Variants in TEX36 observed in about 807,000 individuals in gnomAD.
The protein encoded by TEX36 is testis-expressed protein 36.
Under a neutral mutation model 13.6 loss-of-function variants are expected in TEX36, and 12 were observed. The observed-to-expected ratio is 0.88, with a 90% CI of 0.56 to 1.43. The LOEUF is 1.43. TEX36 is among the 40% of genes most tolerant of loss of function. The pLI is 0.00. For missense variants in TEX36, 224 were observed against 228.3 expected, an observed-to-expected ratio of 0.98 and a Z score of 0.12; for synonymous variants, 93 against 83.0, an observed-to-expected ratio of 1.12 and a Z score of -0.65.
chr10:125,643,890 T>A (rs1846726953), intron 3 of TEX36, among the ~76,000 whole-genome samples: 1 of 152,102 alleles, frequency 6.6e-6, no homozygotes, highest in South Asian at 2.1e-4. Flanking sequence ...CCAGCCTTGG[T>A]GACAGAGCGA....
At chr10:125,640,186 T>C in intron 3 of TEX36, 1 of 985,442 alleles carries the variant, frequency 1.0e-6, no homozygotes, top group Non-Finnish European at 1.2e-6. Context: ...AAATCATTGT[T>C]CTTGGACTGA....
intron 3 of TEX36, among the ~76,000 whole-genome samples, chr10:125,587,470 A>G (rs1285625738): frequency 2.0e-5 from 3 of 152,200 alleles, no homozygotes; most frequent in Non-Finnish European, 4.4e-5. Context: ...GAAACAATCA[A>G]TGCTATCAGT....
At chr10:125,669,994 C>T (rs1232001830) in intron 1 of TEX36, among the ~76,000 whole-genome samples, 2 of 152,180 alleles carry the variant, frequency 1.3e-5, no homozygotes, top group Non-Finnish European at 2.9e-5. Flanking sequence ...TCCAGTCTAT[C>T]ATTGATGGAT....
intron 3 of TEX36, among the ~76,000 whole-genome samples, chr10:125,589,299 G>A (rs896085498): frequency 1.3e-5 from 2 of 152,160 alleles, no homozygotes; most frequent in Non-Finnish European, 2.9e-5. Flanking sequence ...TAAAACATCT[G>A]CAAATAATTA....
At chr10:125,667,782 G>T in intron 1 of TEX36, 5 of 972,582 alleles carry the variant, frequency 5.1e-6, no homozygotes, top group Non-Finnish European at 8.1e-6. Flanking sequence ...CAGTAGAAGC[G>T]CCAGTTCTCT....
At chr10:125,648,405 C>T (rs971960416) in intron 3 of TEX36, among the ~76,000 whole-genome samples, 5 of 152,184 alleles carry the variant, frequency 3.3e-5, no homozygotes, top group African/African-American at 1.2e-4. Flanking sequence ...CCGGAGTGAA[C>T]CTCCAGCAAA....
downstream of TEX36, among the ~76,000 whole-genome samples, chr10:125,619,479 C>T (rs191843165): frequency 3.9e-5 from 6 of 152,202 alleles, no homozygotes; most frequent in East Asian, 7.8e-4. Flanking sequence ...CTTGAGAACA[C>T]GGACTATGCC....
intron 3 of TEX36, among the ~76,000 whole-genome samples, chr10:125,599,176 A>G (rs560323296): frequency 2.0e-5 from 3 of 152,354 alleles, no homozygotes; most frequent in South Asian, 4.1e-4. Context: ...ATGGAAGAAG[A>G]AAAAGAAAAA....
chr10:125,665,414 A>T (rs1000231964), intron 1 of TEX36, among the ~76,000 whole-genome samples: 2 of 152,054 alleles, frequency 1.3e-5, no homozygotes, highest in African/African-American at 4.8e-5. Context: ...TTTTGAGTTG[A>T]TTTTTTTATA....
At chr10:125,585,947 A>G (rs1845941455) in intron 3 of TEX36, among the ~76,000 whole-genome samples, 1 of 152,138 alleles carries the variant, frequency 6.6e-6, no homozygotes, top group Admixed American at 6.6e-5. Flanking sequence ...TCCCTGCCCT[A>G]CAGGAGCTAA....
chr10:125,622,583 C>T (rs1027418478), intron 3 of TEX36, among the ~76,000 whole-genome samples: 27 of 152,300 alleles, frequency 1.8e-4, no homozygotes, highest in African/African-American at 6.3e-4. Flanking sequence ...TTTGTTCCTG[C>T]CTGGATTAGG....
chr10:125,603,107 C>T (rs1846169685), intron 3 of TEX36, among the ~76,000 whole-genome samples: 1 of 152,206 alleles, frequency 6.6e-6, no homozygotes. Flanking sequence ...GACCATTTTT[C>T]AGGAGCGATG....
At chr10:125,669,490 A>C (rs1478889168) in intron 1 of TEX36, among the ~76,000 whole-genome samples, 1 of 151,932 alleles carries the variant, frequency 6.6e-6, no homozygotes, top group Non-Finnish European at 1.5e-5. Context: ...CAAAAAAAAA[A>C]AGAAAAATTC....
chr10:125,638,510 T>C (rs538672452), intron 3 of TEX36, among the ~76,000 whole-genome samples: 1 of 152,232 alleles, frequency 6.6e-6, no homozygotes, highest in Admixed American at 6.5e-5. Flanking sequence ...TACACCTTGA[T>C]TTTTGTCCAG....
At chr10:125,588,247 C>T (rs561847245) in intron 3 of TEX36, among the ~76,000 whole-genome samples, 1 of 152,294 alleles carries the variant, frequency 6.6e-6, no homozygotes, top group East Asian at 1.9e-4. Flanking sequence ...AAGAGAGTCC[C>T]TCACCTTCAT....
intron 1 of TEX36, chr10:125,667,789 C>A (rs962320707): frequency 7.8e-5 from 80 of 1,024,156 alleles, no homozygotes; most frequent in Non-Finnish European, 1.2e-4. Flanking sequence ...AGCGCCAGTT[C>A]TCTTTGGTGT....
chr10:125,675,436 C>G (rs1847296161), intron 1 of TEX36, among the ~76,000 whole-genome samples: 2 of 152,186 alleles, frequency 1.3e-5, no homozygotes, highest in African/African-American at 2.4e-5. Flanking sequence ...CACCCCTCCC[C>G]CCAGGAACTC....
intron 3 of TEX36, among the ~76,000 whole-genome samples, chr10:125,638,280 C>A (rs956013059): frequency 6.6e-6 from 1 of 151,872 alleles, no homozygotes; most frequent in Non-Finnish European, 1.5e-5. Context: ...TCAGCCTGGG[C>A]ATTTCCATTC....
At chr10:125,594,028 G>A (rs1846052078) in intron 3 of TEX36, among the ~76,000 whole-genome samples, 1 of 152,220 alleles carries the variant, frequency 6.6e-6, no homozygotes, top group South Asian at 2.1e-4. Flanking sequence ...AGACAGGCGA[G>A]CACGCTGGCC....
Sources: gnomAD v4.1 joint callset for allele counts (sites outside exome capture counted in the v4.1 genomes callset) on GRCh38, gnomAD v4.1.1 for gene constraint, MANE v1.5 for transcripts, NCBI Gene and HGNC (gene_info 2026-07-23, HGNC 2026-07-21) for gene names.